Variants in EIF2B2 observed in about 807,000 individuals in gnomAD.
EIF2B2 encodes eukaryotic translation initiation factor 2B subunit beta, also known as translation initiation factor eIF2B subunit beta.
A neutral mutation model predicts 34.7 loss-of-function variants in EIF2B2; 34 were observed. That is an observed-to-expected ratio of 0.98 (90% CI 0.75 to 1.31). EIF2B2 has a LOEUF of 1.31. Among genes scored for constraint, EIF2B2 ranks in the 50% most tolerant of loss-of-function variants. The probability of loss-of-function intolerance (pLI) is 0.00; values close to 1 mark genes in which losing one functional copy is unlikely to be tolerated. For missense variants in EIF2B2, 361 were observed against 447.7 expected, an observed-to-expected ratio of 0.81 and a Z score of 1.75; for synonymous variants, 155 against 171.6, an observed-to-expected ratio of 0.90 and a Z score of 0.76.
In EIF2B2 at chr14:75,003,762, C is replaced by A. The variant is rs1220941166; in HGVS notation, c.433+63C>A. On this transcript the variant is annotated intron_variant, in intron 3 of 7. Coordinates refer to ENST00000266126, the MANE Select transcript of EIF2B2 (RefSeq NM_014239.4). Reference sequence around the variant, plus strand: ...CAGGCACATAAGGGAACAGAAGCCTCTGAAGGTTGTTCATTAGCAGAGATG... The same window carrying A: ...CAGGCACATAAGGGAACAGAAGCCTATGAAGGTTGTTCATTAGCAGAGATG... The A allele has an allele frequency of 1.9e-6, 3 of 1,606,036 alleles. No individual in the cohort carries two copies. In the African/African-American group the frequency reaches 4.0e-5, roughly 21 times the overall value.
At position 75,009,516 on chromosome 14, in the gene EIF2B2, G is replaced by T; in HGVS notation, c.*328G>T. 3.0e-6 allele frequency: 1 copy of T among 333,310 alleles called. No individual in the cohort carries two copies. The highest frequency in any genetic ancestry group is 5.8e-6 in the Non-Finnish European group (1 of 173,630). 20.6% of individuals were successfully genotyped at this position (333,310 alleles called of 1,614,324 possible). On this transcript the variant is annotated 3_prime_UTR_variant, in exon 8 of 8. Transcript: ENST00000266126. Reference sequence around the variant, plus strand: ...AAACATAACACTGAATACCTTACTGGGATACAGATTTTTGCTCAGAAATGG... The same window carrying T: ...AAACATAACACTGAATACCTTACTGTGATACAGATTTTTGCTCAGAAATGG...
At position 75,007,520 on chromosome 14, in the gene EIF2B2, A is replaced by T. The variant is rs893265313; in HGVS notation, c.832-202A>T. On this transcript the variant is annotated intron_variant, in intron 6 of 7. Coordinates refer to ENST00000266126, the MANE Select transcript of EIF2B2 (RefSeq NM_014239.4). ...TTTCGAGGCTGAATAATATTCCATT[A>T]TATGAACATACCACAATTTATTAAT... 5.5e-5 allele frequency: 28 copies of T among 509,018 alleles called. 1 individual carries two copies. Among genetic ancestry groups the T allele is most frequent in the South Asian group, 5.2e-4 (25 of 47,776 alleles). The allele number at this position is 509,018 out of a possible 1,614,324, so 31.5% of individuals were successfully genotyped here. A position where few individuals can be genotyped will look rare whatever the true frequency, so the allele number is the denominator to read the frequency against.
At position 75,006,043 on chromosome 14, in the gene EIF2B2, C is replaced by T. The variant is rs574921011; in HGVS notation, c.693+82C>T. 1,921 of 1,138,180 alleles carry T rather than the reference C, an allele frequency of 1.7e-3. 7 individuals carry two copies. Among genetic ancestry groups the T allele is most frequent in the Non-Finnish European group, 2.3e-3 (1,704 of 752,340 alleles). The allele number at this position is 1,138,180 out of a possible 1,614,324, so 70.5% of individuals were successfully genotyped here. ...TTTTTATCTCCTCCTGTAATATCCA[C>T]GGTGAGAGAATAAAGTTTCTAGCAC... is the stretch of plus-strand genomic sequence containing the variant. On this transcript the variant is annotated intron_variant, in intron 5 of 7. Transcript: ENST00000266126. The surrounding 1 kb of genome is among the most constrained non-coding windows in gnomAD (Gnocchi z 4.1).
Position 75,006,345 on chromosome 14 carries a change from G to A in EIF2B2, c.694-232G>A, listed in dbSNP as rs779797754. ...GGCATCTCAATTTCCAGAAAATATG[G>A]GACTGAGAGCAGTAGGTTTTGCAGT... On this transcript the variant is annotated intron_variant, in intron 5 of 7. Transcript: ENST00000266126. This position sits in a 1 kb window ranked among gnomAD's most constrained non-coding sequence, Gnocchi z 4.1. The A allele has an allele frequency of 3.3e-6, 2 of 614,458 alleles. No homozygotes were observed. The highest frequency in any genetic ancestry group is 6.0e-5 in the Admixed American group (2 of 33,576). The allele number at this position is 614,458 out of a possible 1,614,324, so 38.1% of individuals were successfully genotyped here. A position where few individuals can be genotyped will look rare whatever the true frequency, so the allele number is the denominator to read the frequency against.
In EIF2B2 at chr14:75,011,531, G is replaced by T. The variant is rs1368903231; in HGVS notation, c.*2343G>T. 1 of 152,148 alleles carries T rather than the reference G, an allele frequency of 6.6e-6. No homozygotes were observed. Among genetic ancestry groups the T allele is most frequent in the Non-Finnish European group, 1.5e-5 (1 of 68,036 alleles). 9.4% of individuals were successfully genotyped at this position (152,148 alleles called of 1,614,324 possible). Reference sequence around the variant, plus strand: ...GGCAGAGGTAGGTTCTGAGGGAAAGGTCTCTATTCTTTGATATCTCTTTGA... The same window carrying T: ...GGCAGAGGTAGGTTCTGAGGGAAAGTTCTCTATTCTTTGATATCTCTTTGA... On this transcript the variant is annotated 3_prime_UTR_variant, in exon 8 of 8. Transcript: ENST00000266126.
Position 75,003,646 on chromosome 14 carries a change from C to G in EIF2B2, c.380C>G (p.Ala127Gly), listed in dbSNP as rs150617429. The G allele has an allele frequency of 1.9e-6, 3 of 1,614,068 alleles. No homozygotes were observed. Among genetic ancestry groups the G allele is most frequent in the Non-Finnish European group, 2.5e-6 (3 of 1,180,048 alleles). The part of the protein sequence containing the change: ...GLNEDFSFHY[A>G]QLQSNIIEAI... ...AACGAGGATTTCAGCTTCCATTATG[C>G]CCAACTCCAGTCCAACATCATTGAG... The change falls in exon 3 of 8, where the codon GCC (alanine) becomes GGC (glycine). Residue 127 changes from alanine to glycine, a missense_variant. Physicochemically the swap from Ala to Gly is moderately conservative, Grantham distance 60 (BLOSUM62 0). Coordinates refer to ENST00000266126, the MANE Select transcript of EIF2B2 (RefSeq NM_014239.4).
Position 75,006,777 on chromosome 14 carries a change from A to C in EIF2B2, c.831+63A>C. The C allele has an allele frequency of 6.2e-7, 1 of 1,608,040 alleles. No individual in the cohort carries two copies. Among genetic ancestry groups the C allele is most frequent in the Non-Finnish European group, 8.5e-7 (1 of 1,177,220 alleles). On this transcript the variant is annotated intron_variant, in intron 6 of 7. Transcript: ENST00000266126. This position sits in a 1 kb window ranked among gnomAD's most constrained non-coding sequence, Gnocchi z 4.1. The stretch of plus-strand genomic sequence containing the variant: ...AGAAGGAAGCCAAAGGGTAGGCTTG[A>C]ACTCTGGGACTTCAACCACCTCACT...
Position 75,010,637 on chromosome 14 carries a change from GTAGT to G in EIF2B2, c.*1455_*1458del, listed in dbSNP as rs1180110693. On this transcript the variant is annotated 3_prime_UTR_variant, in exon 8 of 8. Transcript: ENST00000266126. ...TCTGGGCCAACATTTCCAAATGGCAGTAGTTAGTTTGTGGTTGGGTAACATCTGA... is the reference window on the plus strand; with the variant it reads ...TCTGGGCCAACATTTCCAAATGGCAGTAGTTTGTGGTTGGGTAACATCTGA... 1 of 152,230 alleles carries G rather than the reference GTAGT, an allele frequency of 6.6e-6. No individual in the cohort carries two copies. Among genetic ancestry groups the G allele is most frequent in the Non-Finnish European group, 1.5e-5 (1 of 68,040 alleles). 9.4% of individuals were successfully genotyped at this position (152,230 alleles called of 1,614,324 possible).
Sources: gnomAD v4.1 joint callset for allele counts on GRCh38, gnomAD v4.1.1 for gene constraint, Gnocchi (gnomAD v3.1) non-coding constraint, MANE v1.5 for transcripts, NCBI Gene and HGNC (gene_info 2026-07-23, HGNC 2026-07-21) for gene names.